XRN2: variants seen among roughly 807,000 people sequenced by gnomAD.
XRN2 encodes 5'-3' exoribonuclease 2, also known as DHM1-like protein.
In XRN2, 44 loss-of-function variants were observed where a neutral mutation model predicts 138.5. The ratio of observed to expected loss-of-function variants is 0.32; its 90% CI spans 0.25 to 0.41. The LOEUF (loss-of-function observed/expected upper bound fraction) is 0.41, where lower values mean the gene tolerates loss of function less well. Among genes scored for constraint, XRN2 ranks in the 10% least tolerant of loss-of-function variants. The probability of loss-of-function intolerance (pLI) is 1.00; values close to 1 mark genes in which losing one functional copy is unlikely to be tolerated. For missense variants in XRN2, 937 were observed against 1,169.3 expected (o/e 0.80, Z 2.90); for synonymous variants, 354 against 369.4 (o/e 0.96, Z 0.48).
chr20:21,340,595 G>A, intron 14 of XRN2, 126 bp from the exon 15 acceptor site: 1 of 968,614 alleles, frequency 1.0e-6, no homozygotes, highest in Non-Finnish European at 1.5e-6. Flanking sequence ...AAGATCATTT[G>A]GTTTTTTAGT....
intron 1 of XRN2, among the ~76,000 whole-genome samples, chr20:21,304,045 A>G (rs759658009): frequency 2.6e-5 from 4 of 152,202 alleles, no homozygotes; most frequent in Non-Finnish European, 4.4e-5. Flanking sequence ...GATGAGCGCT[A>G]TAGAATTCTG....
At chr20:21,377,144 C>T (rs1171813193) in intron 27 of XRN2, among the ~76,000 whole-genome samples, 3 of 151,470 alleles carry the variant, frequency 2.0e-5, no homozygotes, top group Admixed American at 6.6e-5. Flanking sequence ...TTAGCTTCAT[C>T]TAGAATGGTC....
chr20:21,320,481 A>T (rs1007350439), intron 1 of XRN2, among the ~76,000 whole-genome samples: 2 of 151,602 alleles, frequency 1.3e-5, no homozygotes, highest in African/African-American at 4.9e-5. Flanking sequence ...TTGTATTTTT[A>T]GTAGAGACAG....
chr20:21,328,602 G>C lies in XRN2; in HGVS notation c.359G>C (p.Arg120Thr). The C allele has an allele frequency of 6.2e-7, 1 of 1,614,078 alleles. No homozygotes were observed. Among genetic ancestry groups the C allele is most frequent in the Non-Finnish European group, 8.5e-7 (1 of 1,179,996 alleles). The change falls in exon 4 of 30, where the codon AGG (arginine) becomes ACG (threonine). Residue 120 changes from arginine to threonine, a missense_variant. Around this residue, in one of 6 missense-constraint regions of XRN2, gnomAD observed 471 missense variants for 581.2 expected, o/e 0.81. Coordinates refer to ENST00000377191, the MANE Select transcript of XRN2 (RefSeq NM_012255.5). The stretch of plus-strand genomic sequence containing the variant: ...AACCAGCAGCGTTCAAGGAGGTTCA[G>C]GGCATCAAAAGAAGGAATGGAAGCA... ...KMNQQRSRRF[R>T]ASKEGMEAAV...
In XRN2 at chr20:21,305,804, G is replaced by A. The variant is rs2037808425; in HGVS notation, c.75+2331G>A. 3.1e-5 allele frequency among the ~76,000 whole-genome samples: 2 copies of A among 64,956 alleles called. 1 individual carries two copies. Among genetic ancestry groups the A allele is most frequent in the Non-Finnish European group, 7.0e-5 (2 of 28,700 alleles). 42.6% of individuals were successfully genotyped at this position (64,956 alleles called of 152,430 possible). Reference sequence around the variant, plus strand: ...TCTGTCTCCCAGGCTGGAGTGCAGTGGCTCAATCAATCTCGGCTCACTGCA... The same window carrying A: ...TCTGTCTCCCAGGCTGGAGTGCAGTAGCTCAATCAATCTCGGCTCACTGCA... On this transcript the variant is annotated intron_variant, in intron 1 of 29. Coordinates refer to ENST00000377191, the MANE Select transcript of XRN2 (RefSeq NM_012255.5).
At chr20:21,370,176 A>T (rs2038745690) in intron 27 of XRN2, among the ~76,000 whole-genome samples, 1 of 151,814 alleles carries the variant, frequency 6.6e-6, no homozygotes, top group South Asian at 2.1e-4. Flanking sequence ...AGATGTATGG[A>T]TTTATTTCTG....
intron 1 of XRN2, 44 bp downstream of exon 1, chr20:21,303,517 C>T: frequency 6.5e-7 from 1 of 1,532,206 alleles, no homozygotes; most frequent in South Asian, 1.2e-5. Context: ...CCCGGGCCCC[C>T]GGCACGTCTA....
chr20:21,349,960 C>T (rs2038485285), intron 20 of XRN2, among the ~76,000 whole-genome samples: 1 of 152,128 alleles, frequency 6.6e-6, no homozygotes, highest in African/African-American at 2.4e-5. Context: ...TACATTCAGT[C>T]AGTAGCTCAT....
intron 20 of XRN2, among the ~76,000 whole-genome samples, chr20:21,352,852 C>G (rs575723691): frequency 6.6e-6 from 1 of 152,140 alleles, no homozygotes; most frequent in East Asian, 1.9e-4. Context: ...ATTACCAGTA[C>G]TTGGGCTCCC....
At chr20:21,313,402 C>A (rs892362466) in intron 1 of XRN2, among the ~76,000 whole-genome samples, 1 of 152,046 alleles carries the variant, frequency 6.6e-6, no homozygotes. Context: ...CAAATGACTG[C>A]GAAAGTACCA....
intron 1 of XRN2, among the ~76,000 whole-genome samples, chr20:21,323,882 T>C (rs1170221982): frequency 6.6e-6 from 1 of 152,192 alleles, no homozygotes; most frequent in Non-Finnish European, 1.5e-5. Flanking sequence ...TTATGGTTGC[T>C]TTCACTCTTC....
chr20:21,313,064 A>C (rs927568840), intron 1 of XRN2, among the ~76,000 whole-genome samples: 3 of 152,222 alleles, frequency 2.0e-5, no homozygotes, highest in African/African-American at 7.2e-5. Context: ...TAAGTTGGCA[A>C]CCTGTGATTG....
At chr20:21,336,642 A>G (rs367778271) in intron 13 of XRN2, among the ~76,000 whole-genome samples, 34 of 152,344 alleles carry the variant, frequency 2.2e-4, no homozygotes, top group African/African-American at 8.2e-4. Flanking sequence ...AGCAAAAAAC[A>G]AAAAAGGAGA....
chr20:21,306,329 T>G lies in XRN2; in HGVS notation c.75+2856T>G, dbSNP rs1444930877. ...TTTGTAGTTTTAGTAGAGACGGAGT[T>G]TCACCATGTTGGCCAAGCTGATCTT... On this transcript the variant is annotated intron_variant, in intron 1 of 29. Transcript: ENST00000377191. Among the ~76,000 whole-genome samples the G allele has an allele frequency of 2.7e-5, 2 of 74,420 alleles. 1 individual carries two copies. Among genetic ancestry groups the G allele is most frequent in the Non-Finnish European group, 6.3e-5 (2 of 31,878 alleles). 48.8% of individuals were successfully genotyped at this position (74,420 alleles called of 152,430 possible).
intron 23 of XRN2, 21 bp downstream of exon 23, chr20:21,356,686 A>T (rs1210058273): frequency 6.3e-7 from 1 of 1,598,172 alleles, no homozygotes; most frequent in South Asian, 1.1e-5. Context: ...TTTTGTATAT[A>T]ATTGAGGTGA....
intron 1 of XRN2, among the ~76,000 whole-genome samples, chr20:21,325,788 G>A (rs554490380): frequency 2.6e-5 from 4 of 152,320 alleles, no homozygotes; most frequent in African/African-American, 4.8e-5. Context: ...TTTAGAAAGA[G>A]AACTCTGACA....
chr20:21,368,459 A>C lies in XRN2; in HGVS notation c.2457-4A>C. ...TTTTTTTCTTGTGTTGGGTCCTTTTATAGCCATGTGATGCCAAGAGGCTCA... is the reference window on the plus strand; with the variant it reads ...TTTTTTTCTTGTGTTGGGTCCTTTTCTAGCCATGTGATGCCAAGAGGCTCA... On this transcript the variant is annotated splice_polypyrimidine_tract_variant and splice_region_variant and intron_variant, in intron 26 of 29. Coordinates refer to ENST00000377191, the MANE Select transcript of XRN2 (RefSeq NM_012255.5). 1 of 1,613,554 alleles carries C rather than the reference A, an allele frequency of 6.2e-7. No homozygotes were observed. The highest frequency in any genetic ancestry group is 8.5e-7 in the Non-Finnish European group (1 of 1,179,754).
At chr20:21,337,256 T>G (rs2038308562) in intron 13 of XRN2, among the ~76,000 whole-genome samples, 1 of 152,192 alleles carries the variant, frequency 6.6e-6, no homozygotes, top group East Asian at 1.9e-4. Flanking sequence ...TTTTTTACAG[T>G]AATCCAAGGG....
chr20:21,367,983 G>C (rs1049499286), intron 26 of XRN2, among the ~76,000 whole-genome samples: 1 of 152,146 alleles, frequency 6.6e-6, no homozygotes, highest in Non-Finnish European at 1.5e-5. Flanking sequence ...AGTACGAAAT[G>C]AGAGAAATGG....
Sources: allele counts gnomAD v4.1 joint callset (sites outside exome capture counted in the v4.1 genomes callset), GRCh38; gene constraint gnomAD v4.1.1; regional missense constraint gnomAD v4.1.1; transcripts MANE v1.5; gene names NCBI Gene and HGNC (gene_info 2026-07-23, HGNC 2026-07-21).